Variants in LPAR6 observed in about 807,000 individuals in gnomAD.
LPAR6 encodes the protein G-protein coupled purinergic receptor P2Y5.
In LPAR6, 17 loss-of-function variants were observed where a neutral mutation model predicts 22.0. The observed-to-expected ratio is 0.77, with a 90% CI of 0.53 to 1.16. The LOEUF (loss-of-function observed/expected upper bound fraction) is 1.16, where lower values mean the gene tolerates loss of function less well. LPAR6 is among the 50% of genes most tolerant of loss of function. The probability of loss-of-function intolerance (pLI) is 0.00; values close to 1 mark genes in which losing one functional copy is unlikely to be tolerated. For missense variants in LPAR6, 384 were observed against 406.9 expected (o/e 0.94, Z 0.48); for synonymous variants, 136 against 139.8 (o/e 0.97, Z 0.19).
chr13:48,435,430 T>C (rs963306971), intron 1 of LPAR6, among the ~76,000 whole-genome samples: 1 of 152,184 alleles, frequency 6.6e-6, no homozygotes, highest in Admixed American at 6.5e-5. Flanking sequence ...TTTTTTACCA[T>C]TGAGTTTTGA....
At chr13:48,438,906 A>G (rs532462081) in intron 1 of LPAR6, among the ~76,000 whole-genome samples, 5 of 152,138 alleles carry the variant, frequency 3.3e-5, no homozygotes, top group South Asian at 4.1e-4. Context: ...CAACAACTCT[A>G]TGTAGTGGGT....
intron 1 of LPAR6, among the ~76,000 whole-genome samples, chr13:48,426,219 T>A (rs934144971): frequency 2.0e-5 from 3 of 152,154 alleles, no homozygotes; most frequent in Admixed American, 2.0e-4. Flanking sequence ...AATGTAAACC[T>A]CTAAAAAGAT....
At chr13:48,410,466 C>T (rs1012220413), downstream of LPAR6, among the ~76,000 whole-genome samples, 1 of 152,170 alleles carries the variant, frequency 6.6e-6, no homozygotes, top group Non-Finnish European at 1.5e-5. Context: ...CCTAAGCAAG[C>T]ATCATAAGCA....
intron 1 of LPAR6, among the ~76,000 whole-genome samples, chr13:48,396,518 AC>A (rs1364595192): frequency 3.3e-5 from 5 of 152,210 alleles, no homozygotes; most frequent in Non-Finnish European, 5.9e-5. Flanking sequence ...AAAGACTTAA[AC>A]ATAACACCTA....
rs536959290 is a variant in LPAR6 at position 48,412,424 on chromosome 13, C to T, written c.-1G>A. ...AGTGGGAGCTGTTAACGCTTACCAT[C>T]GTAAAGGCACGTCCAATTTTCAGTT... On this transcript the variant is annotated 5_prime_UTR_variant, in exon 1 of 1. Coordinates refer to ENST00000620633, the MANE Select transcript of LPAR6 (RefSeq NM_001162498.3). 15 of 1,610,830 alleles carry T rather than the reference C, an allele frequency of 9.3e-6. No homozygotes were observed. Among genetic ancestry groups the T allele is most frequent in the African/African-American group, 2.7e-5 (2 of 74,974 alleles).
rs1238058177 is a variant in LPAR6, at chr13:48,411,951, T to C, written c.473A>G (p.His158Arg). The stretch of plus-strand genomic sequence containing the variant: ...TTCTGAGGCATTGTTACCCTGAGAG[T>C]GGGTAGACTGAACAAAAACGGCGGG... Reference protein sequence around the residue: ...SAPAVFVQSTHSQGNNASEAC... With the variant: ...SAPAVFVQSTRSQGNNASEAC... The change falls in exon 1 of 1, where the codon CAC becomes CGC. Residue 158 changes from histidine (H) to arginine (R), a missense_variant. His to Arg is a conservative substitution (Grantham distance 29). Coordinates refer to ENST00000620633, the MANE Select transcript of LPAR6 (RefSeq NM_001162498.3). 6.2e-7 allele frequency: 1 copy of C among 1,612,156 alleles called. No homozygotes were observed. The highest frequency in any genetic ancestry group is 1.3e-5 in the African/African-American group (1 of 74,948).
At chr13:48,436,025 TAA>T (rs1028656816) in intron 1 of LPAR6, among the ~76,000 whole-genome samples, 1 of 152,158 alleles carries the variant, frequency 6.6e-6, no homozygotes, top group African/African-American at 2.4e-5. Context: ...ATTGTAAATA[TAA>T]AGACACGAAT....
chr13:48,390,603 C>G lies in LPAR6; in HGVS notation n.115-791G>C, dbSNP rs537002308. Among the ~76,000 whole-genome samples the G allele has an allele frequency of 2.4e-4, 36 of 152,258 alleles. 3 individuals are homozygous for G. In the South Asian group the frequency reaches 6.6e-3, roughly 28 times the overall value. The stretch of plus-strand genomic sequence containing the variant: ...GGCTCACTTAAAAAAAAACTAATCT[C>G]TCTCTCAATACCTAATCTAATGTCT... On this transcript the variant is annotated intron_variant and non_coding_transcript_variant, in intron 1 of 1. Transcript: ENST00000462781.
At chr13:48,402,364 T>A (rs1948699503) in intron 1 of LPAR6, among the ~76,000 whole-genome samples, 2 of 121,430 alleles carry the variant, frequency 1.6e-5, no homozygotes, top group African/African-American at 2.9e-5. Flanking sequence ...GGTAAAGAAA[T>A]CCCTTGTAGA....
chr13:48,410,848 A>G (rs1948788554), downstream of LPAR6, among the ~76,000 whole-genome samples: 1 of 152,154 alleles, frequency 6.6e-6, no homozygotes, highest in African/African-American at 2.4e-5. Flanking sequence ...AACAATGTTA[A>G]TATGTCATCA....
Position 48,411,654 on chromosome 13 carries a change from G to T in LPAR6, c.770C>A (p.Thr257Lys). 1 of 1,610,834 alleles carries T rather than the reference G, an allele frequency of 6.2e-7. No individual in the cohort carries two copies. The change falls in exon 1 of 1, where the codon ACA becomes AAA. Residue 257 changes from threonine (T) to lysine (K), a missense_variant. Transcript: ENST00000620633. ...INLILYSLVR[T>K]QTFVNCSVVA... ...TACTGAGCAATTAACAAATGTTTGT[G>T]TTCTCACAAGAGAATATAAAATAAG...
chr13:48,421,870 A>G (rs949059002), intron 2 of LPAR6, among the ~76,000 whole-genome samples: 1 of 152,230 alleles, frequency 6.6e-6, no homozygotes, highest in Non-Finnish European at 1.5e-5. Flanking sequence ...AGGAAACAAC[A>G]GATGCTGGAG....
At chr13:48,424,601 A>G in intron 1 of LPAR6, among the ~76,000 whole-genome samples, 1 of 47,158 alleles carries the variant, frequency 2.1e-5, no homozygotes, top group East Asian at 8.0e-4. Flanking sequence ...CTTCTTCCTT[A>G]TCTTTTTTTC....
chr13:48,408,209 G>A (rs940457906), downstream of LPAR6, among the ~76,000 whole-genome samples: 1 of 151,460 alleles, frequency 6.6e-6, no homozygotes, highest in Non-Finnish European at 1.5e-5. Context: ...GAATATTAAG[G>A]TTCATTGATA....
At chr13:48,401,293 C>T (rs1948689855) in intron 1 of LPAR6, 1 of 152,096 alleles carries the variant, frequency 6.6e-6, no homozygotes, top group Non-Finnish European at 1.5e-5. Context: ...AGTTTGTAAA[C>T]TTACAGTCAA....
intron 1 of LPAR6, among the ~76,000 whole-genome samples, chr13:48,394,597 G>A (rs1343927705): frequency 1.3e-5 from 2 of 152,174 alleles, no homozygotes; most frequent in Non-Finnish European, 2.9e-5. Context: ...TGAGGCTTGA[G>A]TTTTCCCCTC....
downstream of LPAR6, among the ~76,000 whole-genome samples, chr13:48,410,781 G>T (rs1948787591): frequency 6.6e-6 from 1 of 152,144 alleles, no homozygotes; most frequent in South Asian, 2.1e-4. Context: ...TCTACAAATT[G>T]CCTACACAGA....
At chr13:48,407,757 A>C (rs1948752939), downstream of LPAR6, among the ~76,000 whole-genome samples, 1 of 152,168 alleles carries the variant, frequency 6.6e-6, no homozygotes, top group African/African-American at 2.4e-5. Context: ...AAAGCCCCAA[A>C]AAGCTTTTTA....
downstream of LPAR6, among the ~76,000 whole-genome samples, chr13:48,409,134 G>T (rs1014982406): frequency 2.0e-5 from 3 of 147,410 alleles, no homozygotes; most frequent in African/African-American, 2.5e-5. Context: ...AGTTTTTTGG[G>T]TTTTTTTTCT....
Sources: gnomAD v4.1 joint callset for allele counts (sites outside exome capture counted in the v4.1 genomes callset) on GRCh38, gnomAD v4.1.1 for gene constraint, MANE v1.5 for transcripts, NCBI Gene and HGNC (gene_info 2026-07-23, HGNC 2026-07-21) for gene names.